Variants in SRBD1 observed in about 807,000 individuals in gnomAD.
SRBD1 encodes S1 RNA binding domain 1.
SRBD1 carries 88 observed loss-of-function variants against 115.3 expected under a neutral mutation model. The ratio of observed to expected loss-of-function variants is 0.76; its 90% CI spans 0.64 to 0.91. SRBD1 has a LOEUF of 0.91. Among genes scored for constraint, SRBD1 ranks in the 40% least tolerant of loss-of-function variants. The pLI is 0.00. For synonymous variants in SRBD1, 509 were observed against 407.7 expected, an observed-to-expected ratio of 1.25 and a Z score of -2.99; for missense variants, 1,385 against 1,177.4, an observed-to-expected ratio of 1.18 and a Z score of -2.58.
intron 9 of SRBD1, among the ~76,000 whole-genome samples, chr2:45,563,045 T>A (rs540915654): frequency 6.6e-6 from 1 of 152,310 alleles, no homozygotes; most frequent in African/African-American, 2.4e-5. Flanking sequence ...ATTGAAAATT[T>A]TTGATTATCT....
Position 45,389,407 on chromosome 2 carries a change from C to A in SRBD1, c.2891G>T (p.Ser964Ile). Residue 964 changes from serine to isoleucine, a missense_variant, in exon 21 of 21, where the codon AGC becomes ATC. Ser to Ile is a moderately radical substitution (Grantham distance 142, BLOSUM62 -2). Coordinates refer to ENST00000263736, the MANE Select transcript of SRBD1 (RefSeq NM_018079.5). Reference protein sequence around the residue: ...AKLSKTKKRRSLGLGPGERVE... With the variant: ...AKLSKTKKRRILGLGPGERVE... ...TCTTTCTCCGGGGCCCAGTCCAAGGCTTCTTCTCTTCTTTGTTTTTGAAAG... is the reference window on the plus strand; with the variant it reads ...TCTTTCTCCGGGGCCCAGTCCAAGGATTCTTCTCTTCTTTGTTTTTGAAAG... 1 of 1,614,060 alleles carries A rather than the reference C, an allele frequency of 6.2e-7. No homozygotes were observed. Among genetic ancestry groups the A allele is most frequent in the Non-Finnish European group, 8.5e-7 (1 of 1,179,954 alleles).
rs58100763 is a variant in SRBD1, at chr2:45,571,517, C to CAAAAAAAAAAAAAAAAAAA, written c.1305+1671_1305+1689dup. 2.4e-3 allele frequency among the ~76,000 whole-genome samples: 96 copies of CAAAAAAAAAAAAAAAAAAA among 39,402 alleles called. 10 individuals are homozygous for CAAAAAAAAAAAAAAAAAAA. The highest frequency in any genetic ancestry group is 6.6e-3 in the East Asian group (7 of 1,066). 25.8% of individuals were successfully genotyped at this position (39,402 alleles called of 152,430 possible). On this transcript the variant is annotated intron_variant, in intron 9 of 20. Coordinates refer to ENST00000263736, the MANE Select transcript of SRBD1 (RefSeq NM_018079.5). Reference sequence around the variant, plus strand: ...AAAATACAACATATCCAGACTTTACCAAAAAAAAAAAAAAAAAAAAAAAAA... The same window carrying CAAAAAAAAAAAAAAAAAAA: ...AAAATACAACATATCCAGACTTTACCAAAAAAAAAAAAAAAAAAAAAAAAAAAAAAAAAAAAAAAAAAAA...
At chr2:45,462,300 G>A (rs1280315946) in intron 16 of SRBD1, among the ~76,000 whole-genome samples, 2 of 152,094 alleles carry the variant, frequency 1.3e-5, no homozygotes, top group East Asian at 1.9e-4. Context: ...AAGCCCAGAG[G>A]TTATGGCTGT....
intron 5 of SRBD1, among the ~76,000 whole-genome samples, chr2:45,585,010 C>A (rs897265761): frequency 6.6e-6 from 1 of 151,948 alleles, no homozygotes; most frequent in Admixed American, 6.6e-5. Flanking sequence ...ATTAGTGGGG[C>A]GTGGTGGCGC....
At chr2:45,582,458 G>A (rs1280016921) in intron 5 of SRBD1, among the ~76,000 whole-genome samples, 2 of 152,136 alleles carry the variant, frequency 1.3e-5, no homozygotes, top group Admixed American at 6.5e-5. Flanking sequence ...CCAAGACACA[G>A]GTACTCTTTA....
At chr2:45,444,783 A>G (rs1202368638) in intron 16 of SRBD1, among the ~76,000 whole-genome samples, 5 of 152,220 alleles carry the variant, frequency 3.3e-5, no homozygotes, top group Non-Finnish European at 7.3e-5. Flanking sequence ...CTGGCATCAG[A>G]AGCCACTCAA....
At chr2:45,427,568 A>G (rs1668193349) in intron 16 of SRBD1, among the ~76,000 whole-genome samples, 5 of 152,250 alleles carry the variant, frequency 3.3e-5, no homozygotes, top group Admixed American at 3.3e-4. Context: ...TGCAACAAGA[A>G]GAGCTAACTA....
intron 1 of SRBD1, among the ~76,000 whole-genome samples, chr2:45,606,786 C>T (rs893611703): frequency 6.6e-5 from 10 of 152,148 alleles, no homozygotes; most frequent in Non-Finnish European, 1.3e-4. Flanking sequence ...TTATAAGTGG[C>T]TGCCTGATAT....
At chr2:45,566,263 G>A (rs1286770300) in intron 9 of SRBD1, among the ~76,000 whole-genome samples, 1 of 152,112 alleles carries the variant, frequency 6.6e-6, no homozygotes, top group Admixed American at 6.5e-5. Context: ...AGACACGAAT[G>A]TTCATAGCAT....
intron 19 of SRBD1, among the ~76,000 whole-genome samples, chr2:45,398,476 T>C (rs375914927): frequency 2.6e-5 from 4 of 152,330 alleles, no homozygotes; most frequent in African/African-American, 9.6e-5. Flanking sequence ...TGCTTCTGAC[T>C]TCTGAAGAAC....
chr2:45,454,286 T>C (rs1265886121), intron 16 of SRBD1, among the ~76,000 whole-genome samples: 1 of 151,916 alleles, frequency 6.6e-6, no homozygotes, highest in Non-Finnish European at 1.5e-5. Flanking sequence ...TGATTCACTT[T>C]GAAAGACCTG....
chr2:45,483,664 T>G (rs1469238113), intron 15 of SRBD1, among the ~76,000 whole-genome samples: 1 of 152,096 alleles, frequency 6.6e-6, no homozygotes, highest in Non-Finnish European at 1.5e-5. Context: ...GATATCTGTA[T>G]TTTTAAAGTC....
intron 16 of SRBD1, among the ~76,000 whole-genome samples, chr2:45,427,479 G>C (rs1022024138): frequency 4.6e-5 from 7 of 152,094 alleles, no homozygotes; most frequent in South Asian, 2.1e-4. Flanking sequence ...TGCAATCCTA[G>C]TCTCTAATAA....
At chr2:45,513,420 G>GA (rs1671028816) in intron 14 of SRBD1, among the ~76,000 whole-genome samples, 2 of 95,576 alleles carry the variant, frequency 2.1e-5, no homozygotes, top group African/African-American at 3.2e-5. Context: ...TGCCCCTTAA[G>GA]GAAAAAAAAA....
At position 45,599,476 on chromosome 2, in the gene SRBD1, C is replaced by G. The variant is rs779892265; in HGVS notation, c.621G>C (p.Glu207Asp). ...GTACCATGTCCCAATTCATTTCCAC[C>G]TCCTCTTTAGTACTATTGGCATTTG... ...FPANANSTKE[E>D]VEMNWDMVQV... The change falls in exon 4 of 21, where the codon GAG (glutamate) becomes GAC (aspartate). Residue 207 changes from glutamate (E) to aspartate (D), a missense_variant. Transcript: ENST00000263736. 4 of 1,613,862 alleles carry G rather than the reference C, an allele frequency of 2.5e-6. No homozygotes were observed. In the African/African-American group the frequency reaches 4.0e-5, roughly 16 times the overall value.
intron 19 of SRBD1, among the ~76,000 whole-genome samples, chr2:45,407,447 G>A (rs1363352112): frequency 6.6e-6 from 1 of 152,010 alleles, no homozygotes; most frequent in Non-Finnish European, 1.5e-5. Flanking sequence ...CTTCACAAAG[G>A]GTACTTTCTA....
chr2:45,529,837 C>A (rs1431502251), intron 14 of SRBD1, among the ~76,000 whole-genome samples: 1 of 151,990 alleles, frequency 6.6e-6, no homozygotes, highest in East Asian at 1.9e-4. Context: ...AATAGAAAGA[C>A]TTCCTCAAAG....
At chr2:45,432,170 C>G (rs1668360778) in intron 16 of SRBD1, among the ~76,000 whole-genome samples, 1 of 152,078 alleles carries the variant, frequency 6.6e-6, no homozygotes, top group African/African-American at 2.4e-5. Flanking sequence ...GCTGGGATTA[C>G]AGGCATGTGC....
At chr2:45,521,138 C>T (rs34669198) in intron 14 of SRBD1, among the ~76,000 whole-genome samples, 17,198 of 152,106 alleles carry the variant, frequency 0.11, 1,006 homozygotes, top group Middle Eastern at 0.14. Flanking sequence ...CCCTGTCGCA[C>T]GTCCTGCAAG....
Sources: allele counts gnomAD v4.1 joint callset (sites outside exome capture counted in the v4.1 genomes callset), GRCh38; gene constraint gnomAD v4.1.1; transcripts MANE v1.5; gene names NCBI Gene and HGNC (gene_info 2026-07-23, HGNC 2026-07-21).